The following SLC4A4 variants were observed in gnomAD, a reference collection of about 807,000 sequenced individuals.
The protein encoded by SLC4A4 is solute carrier family 4 member 4, also known as electrogenic sodium bicarbonate cotransporter 1.
In SLC4A4, 27 loss-of-function variants were observed where a neutral mutation model predicts 111.5. The ratio of observed to expected loss-of-function variants is 0.24; its 90% CI spans 0.18 to 0.33. SLC4A4 has a LOEUF of 0.33. SLC4A4 is among the 10% of genes least tolerant of loss of function. SLC4A4 has a pLI of 1.00. For synonymous variants in SLC4A4, 443 were observed against 463.4 expected, an observed-to-expected ratio of 0.96 and a Z score of 0.57; for missense variants, 909 against 1,315.5, an observed-to-expected ratio of 0.69 and a Z score of 4.78.
chr4:71,277,537 T>G (rs1723165246), intron 3 of SLC4A4, among the ~76,000 whole-genome samples: 1 of 151,446 alleles, frequency 6.6e-6, no homozygotes, highest in African/African-American at 2.4e-5. Flanking sequence ...CTTCCTTCTC[T>G]TTTTCTTTCT....
intron 2 of SLC4A4, among the ~76,000 whole-genome samples, chr4:71,251,663 A>G (rs1443149811): frequency 1.3e-5 from 2 of 152,244 alleles, no homozygotes; most frequent in Non-Finnish European, 2.9e-5. Flanking sequence ...GAACACTGTC[A>G]AATGTAGATT....
At chr4:71,157,860 A>G (rs537105615) in intron 2 of SLC4A4, among the ~76,000 whole-genome samples, 1 of 152,330 alleles carries the variant, frequency 6.6e-6, no homozygotes, top group African/African-American at 2.4e-5. Flanking sequence ...AACAGTGGGA[A>G]GAGGAAAATA....
rs549541890 is a variant in SLC4A4 at position 71,437,312 on chromosome 4, G to A, written c.808-3304G>A. 1.5e-4 allele frequency: 54 copies of A among 357,726 alleles called. 1 individual carries two copies. The highest frequency in any genetic ancestry group is 1.2e-3 in the South Asian group (45 of 37,044). 22.2% of individuals were successfully genotyped at this position (357,726 alleles called of 1,614,324 possible). The stretch of plus-strand genomic sequence containing the variant: ...AGATTACAGCCACTTCCAATAACAC[G>A]GTTTTGGGGAAATACACTCAATTTC... On this transcript the variant is annotated intron_variant, in intron 7 of 25. Coordinates refer to ENST00000264485, the MANE Select transcript of SLC4A4 (RefSeq NM_001098484.3).
intron 7 of SLC4A4, among the ~76,000 whole-genome samples, chr4:71,425,048 C>G (rs1333587961): frequency 6.6e-6 from 1 of 151,908 alleles, no homozygotes; most frequent in Non-Finnish European, 1.5e-5. Context: ...AATACTGATT[C>G]TTATCCTTTT....
intron 2 of SLC4A4, among the ~76,000 whole-genome samples, chr4:71,177,004 A>G (rs1745116380): frequency 6.6e-6 from 1 of 152,224 alleles, no homozygotes; most frequent in Non-Finnish European, 1.5e-5. Context: ...ACAAGCCAGA[A>G]GAGAGTGGGG....
Position 71,180,862 on chromosome 4 carries a change from C to T in SLC4A4, c.-1-55714C>T, listed in dbSNP as rs139678769. Reference sequence around the variant, plus strand: ...ACCATTTGACCCAGCAATCCCATTACTGGCTATATACCCAAGGATTATAAA... The same window carrying T: ...ACCATTTGACCCAGCAATCCCATTATTGGCTATATACCCAAGGATTATAAA... On this transcript the variant is annotated intron_variant, in intron 2 of 26. Coordinates refer to the SLC4A4 transcript ENST00000649996. 3.8e-3 allele frequency among the ~76,000 whole-genome samples: 574 copies of T among 152,260 alleles called. 19 individuals carry two copies. In the East Asian group the frequency reaches 0.061, roughly 16 times the overall value.
At chr4:71,394,353 C>T (rs530091137) in intron 6 of SLC4A4, among the ~76,000 whole-genome samples, 116 of 151,894 alleles carry the variant, frequency 7.6e-4, no homozygotes, top group East Asian at 6.2e-3. Context: ...TATGAATAGA[C>T]GGTTCTCAAA....
chr4:71,486,915 T>A (rs1416478649), intron 14 of SLC4A4, 33 bp from the exon 15 acceptor site: 5 of 1,399,940 alleles, frequency 3.6e-6, no homozygotes, highest in Non-Finnish European at 5.0e-6. Context: ...TATTTTAGTT[T>A]TATAGTATAA....
At chr4:71,444,393 G>A (rs181443911) in intron 8 of SLC4A4, among the ~76,000 whole-genome samples, 29 of 152,200 alleles carry the variant, frequency 1.9e-4, no homozygotes, top group African/African-American at 4.3e-4. Context: ...ATAACTAGAC[G>A]CTATTAAAAA....
At chr4:71,249,437 C>A (rs1173672550) in intron 2 of SLC4A4, among the ~76,000 whole-genome samples, 1 of 151,834 alleles carries the variant, frequency 6.6e-6, no homozygotes, top group Non-Finnish European at 1.5e-5. Context: ...GCTGGTTTAC[C>A]CCCTGGTAAC....
intron 2 of SLC4A4, among the ~76,000 whole-genome samples, chr4:71,163,450 G>A (rs2148978412): frequency 6.6e-6 from 1 of 152,258 alleles, no homozygotes; most frequent in Non-Finnish European, 1.5e-5. Context: ...CTTCTGCTGT[G>A]ATGTCACAGA....
intron 2 of SLC4A4, among the ~76,000 whole-genome samples, chr4:71,144,259 A>G (rs2148968075): frequency 6.6e-6 from 1 of 152,190 alleles, no homozygotes; most frequent in Non-Finnish European, 1.5e-5. Flanking sequence ...ATAGTTGTAG[A>G]TATGCGGCAT....
At chr4:71,085,387 T>C (rs1391688982) in intron 1 of SLC4A4, among the ~76,000 whole-genome samples, 1 of 152,040 alleles carries the variant, frequency 6.6e-6, no homozygotes, top group Non-Finnish European at 1.5e-5. Flanking sequence ...TTTCTTTTGC[T>C]GTGCAGAAGC....
At chr4:71,307,414 G>A (rs1725783446) in intron 3 of SLC4A4, among the ~76,000 whole-genome samples, 1 of 152,160 alleles carries the variant, frequency 6.6e-6, no homozygotes, top group Non-Finnish European at 1.5e-5. Flanking sequence ...GTGTTGTCTG[G>A]TTAAAAGCTT....
chr4:71,361,683 C>A (rs1439158941), intron 6 of SLC4A4, among the ~76,000 whole-genome samples: 1 of 152,142 alleles, frequency 6.6e-6, no homozygotes, highest in African/African-American at 2.4e-5. Context: ...AAGTTGTCAG[C>A]AATTTCATAT....
In SLC4A4 at chr4:71,324,120, T is replaced by C. The variant is rs192705633; in HGVS notation, c.254-15250T>C. Among the ~76,000 whole-genome samples, 28 of 152,110 alleles carry C rather than the reference T, an allele frequency of 1.8e-4. No homozygotes were observed. The East Asian group carries it at 4.3e-3, about 23-fold the overall frequency. ...TATTAGGGGGAATGCAGTCTTACGA[T>C]ATGCAGATGGCGCAATTGGGTGATT... On this transcript the variant is annotated intron_variant, in intron 3 of 25. Coordinates refer to ENST00000264485, the MANE Select transcript of SLC4A4 (RefSeq NM_001098484.3).
intron 3 of SLC4A4, among the ~76,000 whole-genome samples, chr4:71,333,221 C>T (rs372701122): frequency 4.8e-4 from 73 of 152,334 alleles, no homozygotes; most frequent in African/African-American, 1.3e-3. Context: ...GATATGATAT[C>T]GCTGCAGCCA....
At chr4:71,213,574 T>C (rs1309694315) in intron 1 of SLC4A4, among the ~76,000 whole-genome samples, 1 of 152,100 alleles carries the variant, frequency 6.6e-6, no homozygotes, top group Non-Finnish European at 1.5e-5. Flanking sequence ...TGTATATTGA[T>C]AGAGTAAAAG....
intron 2 of SLC4A4, among the ~76,000 whole-genome samples, chr4:71,252,172 T>A (rs1721109915): frequency 6.6e-6 from 1 of 152,232 alleles, no homozygotes. Flanking sequence ...GTAATGATGC[T>A]TCTATTGATC....
Sources: gnomAD v4.1 joint callset for allele counts (sites outside exome capture counted in the v4.1 genomes callset) on GRCh38, gnomAD v4.1.1 for gene constraint, MANE v1.5 for transcripts, NCBI Gene and HGNC (gene_info 2026-07-23, HGNC 2026-07-21) for gene names.